BRWD1: variants seen among roughly 807,000 people sequenced by gnomAD.
The protein encoded by BRWD1 is bromodomain and WD repeat-containing protein 1.
In BRWD1, 82 loss-of-function variants were observed where a neutral mutation model predicts 251.2. That is an observed-to-expected ratio of 0.33 (90% CI 0.27 to 0.39). The LOEUF (loss-of-function observed/expected upper bound fraction) is 0.39, where lower values mean the gene tolerates loss of function less well. Among genes scored for constraint, BRWD1 ranks in the 10% least tolerant of loss-of-function variants. The pLI is 1.00. For missense variants in BRWD1, 2,233 were observed against 2,711.6 expected (o/e 0.82, Z 3.92); for synonymous variants, 918 against 902.8 (o/e 1.02, Z -0.30).
chr21:39,270,537 T>C, intron 13 of BRWD1, 104 bp from the exon 14 acceptor site: 5 of 978,324 alleles, frequency 5.1e-6, no homozygotes, highest in Non-Finnish European at 7.3e-6. Flanking sequence ...CCCATGTGCC[T>C]ATCTTATCAA....
intron 34 of BRWD1, among the ~76,000 whole-genome samples, chr21:39,211,695 T>C (rs940238542): frequency 3.3e-5 from 5 of 152,138 alleles, no homozygotes; most frequent in African/African-American, 9.7e-5. Flanking sequence ...GCAGCAGACA[T>C]AGCAAATAAA....
chr21:39,238,438 G>T, intron 22 of BRWD1, 41 bp downstream of exon 22: 1 of 1,497,808 alleles, frequency 6.7e-7, no homozygotes, highest in Non-Finnish European at 9.3e-7. Context: ...CCAAGACTAT[G>T]ACTAAAATGC....
chr21:39,211,091 G>GT (rs1568870478), intron 34 of BRWD1, among the ~76,000 whole-genome samples, 162 bp from the exon 35 acceptor site: 1 of 152,196 alleles, frequency 6.6e-6, no homozygotes, highest in East Asian at 1.9e-4. Context: ...TGCATGAAAC[G>GT]TAAGTTATTT....
intron 21 of BRWD1, among the ~76,000 whole-genome samples, chr21:39,243,822 TACA>T (rs1048204644): frequency 2.6e-5 from 4 of 152,170 alleles, no homozygotes; most frequent in African/African-American, 9.7e-5. Flanking sequence ...GAGGCATATG[TACA>T]ACTCACTCTC....
intron 20 of BRWD1, among the ~76,000 whole-genome samples, chr21:39,249,349 TAA>T (rs2034312830): frequency 1.3e-5 from 2 of 152,254 alleles, no homozygotes; most frequent in African/African-American, 4.8e-5. Flanking sequence ...CCCCTGAAGC[TAA>T]AAGTTTTCTT....
chr21:39,296,084 A>AT (rs1244046882), intron 6 of BRWD1, among the ~76,000 whole-genome samples, 181 bp from the exon 7 acceptor site: 11 of 152,152 alleles, frequency 7.2e-5, no homozygotes, highest in Non-Finnish European at 1.5e-4. Context: ...CTATAAAAAG[A>AT]TTTTTTATTA....
At chr21:39,271,071 G>A (rs771294153) in intron 13 of BRWD1, among the ~76,000 whole-genome samples, 24 of 152,086 alleles carry the variant, frequency 1.6e-4, no homozygotes, top group Non-Finnish European at 1.6e-4. Flanking sequence ...GAGGCAGGCA[G>A]ATCACGAGGT....
At position 39,215,331 on chromosome 21, in the gene BRWD1, A is replaced by G. The variant is rs761777120; in HGVS notation, c.3691T>C (p.Tyr1231His). 12 of 1,613,538 alleles carry G rather than the reference A, an allele frequency of 7.4e-6. No homozygotes were observed. The highest frequency in any genetic ancestry group is 1.0e-5 in the Non-Finnish European group (12 of 1,179,636). ...AATGTTCTGGCATTATGTTCTATATATCTGACTTCCCAAACTAACGCAGAC... is the reference window on the plus strand; with the variant it reads ...AATGTTCTGGCATTATGTTCTATATGTCTGACTTCCCAAACTAACGCAGAC... ...RLSALVWEVR[Y>H]IEHNARTFNE... Residue 1231 changes from tyrosine to histidine, a missense_variant, in exon 32 of 41, where the codon TAT becomes CAT. By Grantham distance (83) the Tyr-to-His change is moderately conservative (BLOSUM62 2). This residue lies in a region of BRWD1 where 167 missense variants were observed against 183.2 expected (regional missense o/e 0.91). Coordinates refer to ENST00000342449, the MANE Select transcript of BRWD1 (RefSeq NM_033656.4).
intron 27 of BRWD1, among the ~76,000 whole-genome samples, chr21:39,225,694 T>G (rs2033354958): frequency 6.6e-6 from 1 of 152,206 alleles, no homozygotes; most frequent in Non-Finnish European, 1.5e-5. Context: ...TCTTGAATAA[T>G]TAAAGTATGC....
At chr21:39,294,234 A>G (rs1382838485) in intron 7 of BRWD1, among the ~76,000 whole-genome samples, 1 of 152,250 alleles carries the variant, frequency 6.6e-6, no homozygotes, top group Non-Finnish European at 1.5e-5. Context: ...CAGTCTACAT[A>G]AAGATACTGC....
chr21:39,188,457 G>A lies in BRWD1; in HGVS notation c.*7802C>T, dbSNP rs933344249. 23 of 985,224 alleles carry A rather than the reference G, an allele frequency of 2.3e-5. No individual in the cohort carries two copies. Among genetic ancestry groups the A allele is most frequent in the Non-Finnish European group, 9.6e-6 (8 of 829,878 alleles). 61.0% of individuals were successfully genotyped at this position (985,224 alleles called of 1,614,324 possible). A position where few individuals can be genotyped will look rare whatever the true frequency, so the allele number is the denominator to read the frequency against. On this transcript the variant is annotated 3_prime_UTR_variant, in exon 41 of 41. Coordinates refer to ENST00000342449, the MANE Select transcript of BRWD1 (RefSeq NM_033656.4). ...TACTACTAAGTACTAGAAAATGAGA[G>A]CTCTTTTAGTCAGATACTATCAAGT...
rs892013386 is a variant in BRWD1 at position 39,198,788 on chromosome 21, T to C, written c.5628A>G (p.Ile1876Met). ...ETDLDSDDDK[I>M]EKPNNFMKDS... ...CTTTCATAAAATTGTTTGGTTTTTCTATTTTGTCATCATCTGAATCTAAAT... is the reference window on the plus strand; with the variant it reads ...CTTTCATAAAATTGTTTGGTTTTTCCATTTTGTCATCATCTGAATCTAAAT... Residue 1876 changes from isoleucine to methionine, a missense_variant, in exon 40 of 41, where the codon ATA (isoleucine) becomes ATG (methionine). By Grantham distance (10) the Ile-to-Met change is conservative. This residue lies in a region of BRWD1 where 928 missense variants were observed against 970.0 expected (regional missense o/e 0.96). Transcript: ENST00000342449. The C allele has an allele frequency of 4.4e-6, 7 of 1,589,062 alleles. No individual in the cohort carries two copies. The highest frequency in any genetic ancestry group is 4.3e-6 in the Non-Finnish European group (5 of 1,170,460).
chr21:39,225,618 T>C (rs868132089), intron 27 of BRWD1, among the ~76,000 whole-genome samples: 3 of 152,148 alleles, frequency 2.0e-5, no homozygotes, highest in South Asian at 2.1e-4. Context: ...GAAAGTTTTA[T>C]AGAAATAATC....
Position 39,298,592 on chromosome 21 carries a change from G to C in BRWD1, c.199-10C>G. 1.9e-6 allele frequency: 3 copies of C among 1,572,392 alleles called. No individual in the cohort carries two copies. Among genetic ancestry groups the C allele is most frequent in the Non-Finnish European group, 2.6e-6 (3 of 1,163,956 alleles). On this transcript the variant is annotated splice_polypyrimidine_tract_variant and intron_variant, in intron 4 of 40. Coordinates refer to ENST00000342449, the MANE Select transcript of BRWD1 (RefSeq NM_033656.4). ...GCTTATTGGACAAGACCTAGTTGGA[G>C]AGCAAGTTTTAATGACAACAGCTTA...
chr21:39,244,925 T>TATATATAC lies in BRWD1; in HGVS notation c.2481+2775_2481+2776insGTATATAT, dbSNP rs1358695841. Reference sequence around the variant, plus strand: ...ACATATAGAAACTTTGGAAGAAATATATATATATATATATATATATGCAGA... The same window carrying TATATATAC: ...ACATATAGAAACTTTGGAAGAAATATATATATACATATATATATATATATATATGCAGA... On this transcript the variant is annotated intron_variant, in intron 21 of 40. Transcript: ENST00000342449. 6.8e-4 allele frequency among the ~76,000 whole-genome samples: 32 copies of TATATATAC among 47,194 alleles called. 1 individual carries two copies. The highest frequency in any genetic ancestry group is 2.6e-3 in the African/African-American group (31 of 12,066). 31.0% of individuals were successfully genotyped at this position (47,194 alleles called of 152,430 possible). A position where few individuals can be genotyped will look rare whatever the true frequency, so the allele number is the denominator to read the frequency against.
At position 39,224,474 on chromosome 21, in the gene BRWD1, T is replaced by TA. The variant is rs761702412; in HGVS notation, c.3321-6dup. The TA allele has an allele frequency of 1.9e-6, 3 of 1,588,986 alleles. No individual in the cohort carries two copies. Among genetic ancestry groups the TA allele is most frequent in the Non-Finnish European group, 2.6e-6 (3 of 1,165,966 alleles). ...TCAATTTCAGTATTATCCCACCTGTTAAAAAACAACAAATCTCTGGTTAGC... is the reference window on the plus strand; with the variant it reads ...TCAATTTCAGTATTATCCCACCTGTTAAAAAAACAACAAATCTCTGGTTAGC... On this transcript the variant is annotated splice_region_variant and splice_polypyrimidine_tract_variant and intron_variant, in intron 28 of 40. Coordinates refer to ENST00000342449, the MANE Select transcript of BRWD1 (RefSeq NM_033656.4).
intron 8 of BRWD1, among the ~76,000 whole-genome samples, chr21:39,281,998 A>T (rs965244581): frequency 6.6e-6 from 1 of 151,622 alleles, no homozygotes; most frequent in Non-Finnish European, 1.5e-5. Flanking sequence ...ATATGTATAT[A>T]TACACATATG....
intron 4 of BRWD1, among the ~76,000 whole-genome samples, chr21:39,311,857 G>A (rs1240037042): frequency 1.3e-5 from 2 of 152,200 alleles, no homozygotes; most frequent in South Asian, 2.1e-4. Flanking sequence ...TTCAAAACCA[G>A]TAATCTTCTA....
rs188691384 is a variant in BRWD1, at chr21:39,271,144, T to A, written c.1245-711A>T. 5.3e-5 allele frequency among the ~76,000 whole-genome samples: 8 copies of A among 150,934 alleles called. No homozygotes were observed. In the South Asian group the frequency reaches 8.4e-4, roughly 16 times the overall value. ...CCCGTCTCTACTAAAAATACAACAT[T>A]AGCCAGGTGTGGTGGCACACACCTG... On this transcript the variant is annotated intron_variant, in intron 13 of 40. Transcript: ENST00000342449.
Sources: gnomAD v4.1 joint callset for allele counts (sites outside exome capture counted in the v4.1 genomes callset) on GRCh38, gnomAD v4.1.1 for gene constraint, gnomAD v4.1.1 regional missense constraint, MANE v1.5 for transcripts, NCBI Gene and HGNC (gene_info 2026-07-23, HGNC 2026-07-21) for gene names.